Variants in CELSR2 observed in about 807,000 individuals in gnomAD.
CELSR2 encodes cadherin EGF LAG seven-pass G-type receptor 2.
CELSR2 carries 81 observed loss-of-function variants against 251.6 expected under a neutral mutation model. That is an observed-to-expected ratio of 0.32 (90% CI 0.27 to 0.39). The LOEUF (loss-of-function observed/expected upper bound fraction) is 0.39, where lower values mean the gene tolerates loss of function less well. CELSR2 is among the 10% of genes least tolerant of loss of function. The pLI is 1.00. For missense variants in CELSR2, 3,365 were observed against 3,947.7 expected (o/e 0.85, Z 3.96); for synonymous variants, 1,721 against 1,670.5 (o/e 1.03, Z -0.74).
Position 109,251,595 on chromosome 1 carries a change from G to T in CELSR2, c.1516G>T (p.Val506Phe). ...TATCAACGACAATGCCCCCATCTTC[G>T]TCAGCACCCCTTTCCAGGCTACTGT... ...LDINDNAPIF[V>F]STPFQATVLE... Residue 506 changes from valine to phenylalanine, a missense_variant, in exon 1 of 34, where the codon GTC becomes TTC. Physicochemically the swap from Val to Phe is conservative, Grantham distance 50. Transcript: ENST00000271332. The surrounding 1 kb of genome is among the most constrained non-coding windows in gnomAD (Gnocchi z 4.9). The T allele has an allele frequency of 2.5e-6, 4 of 1,613,782 alleles. No individual in the cohort carries two copies. The highest frequency in any genetic ancestry group is 3.4e-6 in the Non-Finnish European group (4 of 1,179,902).
Position 109,252,353 on chromosome 1 carries a change from C to A in CELSR2, c.2274C>A (p.Phe758Leu), listed in dbSNP as rs1390996848. The A allele has an allele frequency of 5.6e-6, 9 of 1,613,068 alleles. No individual in the cohort carries two copies. The highest frequency in any genetic ancestry group is 7.6e-6 in the Non-Finnish European group (9 of 1,180,002). Residue 758 changes from phenylalanine (F) to leucine (L), a missense_variant, in exon 1 of 34, where the codon TTC (phenylalanine) becomes TTA (leucine). Phe to Leu is a conservative substitution (Grantham distance 22). Transcript: ENST00000271332. The surrounding 1 kb of genome is among the most constrained non-coding windows in gnomAD (Gnocchi z 4.8). Reference protein sequence around the residue: ...TYFMEDSIPQFRIDADTGAVT... With the variant: ...TYFMEDSIPQLRIDADTGAVT... ...TCATGGAGGACAGCATCCCCCAGTTCCGCATCGATGCAGACACGGGGGCTG... is the reference window on the plus strand; with the variant it reads ...TCATGGAGGACAGCATCCCCCAGTTACGCATCGATGCAGACACGGGGGCTG...
rs866036255 is a variant in CELSR2, at chr1:109,260,171, G to A, written c.3959-871G>A. On this transcript the variant is annotated intron_variant, in intron 2 of 33. Transcript: ENST00000271332. The stretch of plus-strand genomic sequence containing the variant: ...AGAAGTCTTTGTCCAGGAGGATGGT[G>A]GGGGGGGTTGGGAGGGGGGGGGTTA... 9.7e-3 allele frequency among the ~76,000 whole-genome samples: 1,406 copies of A among 145,132 alleles called. 35 individuals carry two copies. Among genetic ancestry groups the A allele is most frequent in the African/African-American group, 0.034 (1,327 of 38,826 alleles).
intron 2 of CELSR2, among the ~76,000 whole-genome samples, chr1:109,260,473 C>T (rs1341323757): frequency 1.3e-5 from 2 of 152,164 alleles, no homozygotes; most frequent in Non-Finnish European, 2.9e-5. Flanking sequence ...CAGCTTCTCT[C>T]TCATACTCTT....
At position 109,274,248 on chromosome 1, in the gene CELSR2, C is replaced by T; in HGVS notation, c.*199C>T. Reference sequence around the variant, plus strand: ...AGGCCATCTAGTGCCAACTCCCCCCCCACCATTCCCCTCACTGCACTTTGG... The same window carrying T: ...AGGCCATCTAGTGCCAACTCCCCCCTCACCATTCCCCTCACTGCACTTTGG... On this transcript the variant is annotated 3_prime_UTR_variant, in exon 34 of 34. Coordinates refer to ENST00000271332, the MANE Select transcript of CELSR2 (RefSeq NM_001408.3). 4 of 1,337,280 alleles carry T rather than the reference C, an allele frequency of 3.0e-6. No individual in the cohort carries two copies. The highest frequency in any genetic ancestry group is 1.5e-5 in the South Asian group (1 of 66,456). 82.8% of individuals were successfully genotyped at this position (1,337,280 alleles called of 1,614,324 possible). A position where few individuals can be genotyped will look rare whatever the true frequency, so the allele number is the denominator to read the frequency against.
chr1:109,268,556 C>T (rs1656273258), intron 17 of CELSR2, 25 bp from the exon 18 acceptor site: 5 of 1,585,300 alleles, frequency 3.2e-6, no homozygotes, highest in Non-Finnish European at 4.3e-6. Flanking sequence ...TGTGAGCACA[C>T]CCACCGTGAC....
Position 109,264,458 on chromosome 1 carries a change from T to G in CELSR2, c.5294T>G (p.Val1765Gly). ...CACTGCTCCTGTCCCTCCCAGGGTG[T>G]GCGGGTGAGCGATACGCCGGAGGGG... is the stretch of plus-strand genomic sequence containing the variant. Reference protein sequence around the residue: ...ARGFRGCLQGVRVSDTPEGVN... With the variant: ...ARGFRGCLQGGRVSDTPEGVN... The change falls in exon 11 of 34, where the codon GTG becomes GGG. Residue 1765 changes from valine to glycine, a missense_variant. This residue lies in a region of CELSR2 where 2,093 missense variants were observed against 2,382.8 expected (regional missense o/e 0.88). Transcript: ENST00000271332. 1 of 1,611,378 alleles carries G rather than the reference T, an allele frequency of 6.2e-7. No individual in the cohort carries two copies. The highest frequency in any genetic ancestry group is 8.5e-7 in the Non-Finnish European group (1 of 1,178,438).
rs752552428 is a variant in CELSR2, at chr1:109,251,680, C to G, written c.1601C>G (p.Ala534Gly). The change falls in exon 1 of 34, where the codon GCT (alanine) becomes GGT (glycine). Residue 534 changes from alanine (A) to glycine (G), a missense_variant. By Grantham distance (60) the Ala-to-Gly change is moderately conservative. Coordinates refer to ENST00000271332, the MANE Select transcript of CELSR2 (RefSeq NM_001408.3). The surrounding 1 kb of genome is among the most constrained non-coding windows in gnomAD (Gnocchi z 4.9). ...VLHVQAIDAD[A>G]GDNARLEYRL... ...CATGTCCAGGCTATCGACGCTGATG[C>G]TGGTGACAATGCCCGCCTGGAATAC... 2.5e-6 allele frequency: 4 copies of G among 1,614,116 alleles called. No individual in the cohort carries two copies. The highest frequency in any genetic ancestry group is 3.4e-6 in the Non-Finnish European group (4 of 1,180,038).
At chr1:109,272,576 G>A in intron 29 of CELSR2, 64 bp from the exon 30 acceptor site, 1 of 1,522,948 alleles carries the variant, frequency 6.6e-7, no homozygotes, top group Non-Finnish European at 9.1e-7. Context: ...CCAGGGGAGA[G>A]GAGAGACTGG....
In CELSR2 at chr1:109,269,451, A is replaced by G; in HGVS notation, c.6840A>G (p.Thr2280=). ...LRVPKRPIIN[T]PVVSISVHDD... ...TCCCCAAACGCCCGATCATCAACACACCCGTGGTGAGCATCAGCGTCCATG... is the reference window on the plus strand; with the variant it reads ...TCCCCAAACGCCCGATCATCAACACGCCCGTGGTGAGCATCAGCGTCCATG... The change falls in exon 21 of 34, where the codon ACA becomes ACG. Residue 2280 remains threonine, a synonymous_variant. Transcript: ENST00000271332. The surrounding 1 kb of genome is among the most constrained non-coding windows in gnomAD (Gnocchi z 6.4). 7 of 1,613,850 alleles carry G rather than the reference A, an allele frequency of 4.3e-6. No individual in the cohort carries two copies. Among genetic ancestry groups the G allele is most frequent in the Non-Finnish European group, 5.9e-6 (7 of 1,179,968 alleles).
Position 109,274,204 on chromosome 1 carries a change from G to A in CELSR2, c.*155G>A. ...CTGAGGAGCCTGGGCCTTGCCGGGAGGGGTACTCACCCCACCTAAGGCCAT... is the reference window on the plus strand; with the variant it reads ...CTGAGGAGCCTGGGCCTTGCCGGGAAGGGTACTCACCCCACCTAAGGCCAT... On this transcript the variant is annotated 3_prime_UTR_variant, in exon 34 of 34. Coordinates refer to ENST00000271332, the MANE Select transcript of CELSR2 (RefSeq NM_001408.3). The A allele has an allele frequency of 6.4e-7, 1 of 1,554,762 alleles. No individual in the cohort carries two copies. The highest frequency in any genetic ancestry group is 8.7e-7 in the Non-Finnish European group (1 of 1,154,508).
Position 109,261,203 on chromosome 1 carries a change from G to A in CELSR2, c.4120G>A (p.Ala1374Thr), listed in dbSNP as rs1042059149. 9 of 1,613,944 alleles carry A rather than the reference G, an allele frequency of 5.6e-6. No homozygotes were observed. Among genetic ancestry groups the A allele is most frequent in the Admixed American group, 1.7e-5 (1 of 60,000 alleles). Residue 1374 changes from alanine to threonine, a missense_variant, in exon 3 of 34, where the codon GCC (alanine) becomes ACC (threonine). Physicochemically the swap from Ala to Thr is moderately conservative, Grantham distance 58. Transcript: ENST00000271332. This position sits in a 1 kb window ranked among gnomAD's most constrained non-coding sequence, Gnocchi z 4.8. ...CCAGGTGACCACGCGCAGCTTCCCC[G>A]CCCACTCCTTCATCACCTTTCGCGG... ...YCQVTTRSFP[A>T]HSFITFRGLR...
chr1:109,266,806 A>C (rs1570789062), intron 15 of CELSR2, among the ~76,000 whole-genome samples: 1 of 143,264 alleles, frequency 7.0e-6, no homozygotes, highest in Non-Finnish European at 1.5e-5. Context: ...TGCAACCTCC[A>C]CCTCACAGGT....
At chr1:109,255,267 TGCCCATGCGGA>T (rs931161495) in intron 1 of CELSR2, among the ~76,000 whole-genome samples, 8 of 152,248 alleles carry the variant, frequency 5.3e-5, no homozygotes, top group Non-Finnish European at 1.2e-4. Context: ...TTCCCGCCCC[TGCCCATGCGGA>T]GCCCTGCAGC....
chr1:109,253,480 G>A, intron 1 of CELSR2, 91 bp downstream of exon 1: 1 of 1,486,626 alleles, frequency 6.7e-7, no homozygotes, highest in East Asian at 2.4e-5. Context: ...CCAGGAAGCA[G>A]CTACAGATCC....
Position 109,271,387 on chromosome 1 carries a change from T to C in CELSR2, c.7678T>C (p.Ser2560Pro), listed in dbSNP as rs1204086624. 6.2e-7 allele frequency: 1 copy of C among 1,613,640 alleles called. No homozygotes were observed. The highest frequency in any genetic ancestry group is 8.5e-7 in the Non-Finnish European group (1 of 1,180,002). Reference protein sequence around the residue: ...RQGFEKKGPVSGLQPSFAVLL... With the variant: ...RQGFEKKGPVPGLQPSFAVLL... ...CTCATGGCCTGTCCCTATCCCCAGC[T>C]CGGGCCTGCAGCCCTCCTTCGCCGT... Residue 2560 changes from serine (S) to proline (P), a missense_variant and splice_region_variant, in exon 27 of 34, where the codon TCG becomes CCG. Ser to Pro is a moderately conservative substitution (Grantham distance 74). Transcript: ENST00000271332.
Position 109,253,227 on chromosome 1 carries a change from C to T in CELSR2, c.3148C>T (p.Pro1050Ser). 1.9e-6 allele frequency: 3 copies of T among 1,613,530 alleles called. No homozygotes were observed. The highest frequency in any genetic ancestry group is 2.5e-6 in the Non-Finnish European group (3 of 1,180,042). ...CCCTGGGGGTGCCATTGGCCGAGTA[C>T]CTGCCCATGACCCTGATATCTCAGA... ...SFPGGAIGRV[P>S]AHDPDISDSL... The change falls in exon 1 of 34, where the codon CCT becomes TCT. Residue 1050 changes from proline (P) to serine (S), a missense_variant. Around this residue, in one of 5 missense-constraint regions of CELSR2, gnomAD observed 505 missense variants for 660.0 expected, o/e 0.77. Coordinates refer to ENST00000271332, the MANE Select transcript of CELSR2 (RefSeq NM_001408.3).
Position 109,268,706 on chromosome 1 carries a change from G to A in CELSR2, c.6444G>A (p.Leu2148=). The A allele has an allele frequency of 6.2e-7, 1 of 1,613,326 alleles. No individual in the cohort carries two copies. The highest frequency in any genetic ancestry group is 1.3e-5 in the African/African-American group (1 of 75,050). Residue 2148 remains leucine (L), a synonymous_variant, in exon 18 of 34, where the codon CTG becomes CTA. Coordinates refer to ENST00000271332, the MANE Select transcript of CELSR2 (RefSeq NM_001408.3). ...ACTATGAGGCCTACGCCAGTGCCCT[G>A]GCCCAGAACATGCGGCACACCTACC... ...LQHYEAYASA[L]AQNMRHTYLS...
In CELSR2 at chr1:109,261,225, G is replaced by T. The variant is rs370985403; in HGVS notation, c.4142G>T (p.Arg1381Leu). The T allele has an allele frequency of 1.1e-5, 18 of 1,613,758 alleles. No individual in the cohort carries two copies. Among genetic ancestry groups the T allele is most frequent in the Non-Finnish European group, 1.7e-6 (2 of 1,180,030 alleles). ...CCCGCCCACTCCTTCATCACCTTTC[G>T]CGGCCTGCGCCAGCGTTTCCACTTC... ...SFPAHSFITF[R>L]GLRQRFHFTL... Residue 1381 changes from arginine to leucine, a missense_variant, in exon 3 of 34, where the codon CGC (arginine) becomes CTC (leucine). Physicochemically the swap from Arg to Leu is moderately radical, Grantham distance 102 (BLOSUM62 -2). This residue lies in a region of CELSR2 where 2,093 missense variants were observed against 2,382.8 expected (regional missense o/e 0.88). Coordinates refer to ENST00000271332, the MANE Select transcript of CELSR2 (RefSeq NM_001408.3). This position sits in a 1 kb window ranked among gnomAD's most constrained non-coding sequence, Gnocchi z 4.8.
chr1:109,266,050 G>T, intron 14 of CELSR2, 55 bp from the exon 15 acceptor site: 2 of 1,602,364 alleles, frequency 1.2e-6, no homozygotes, highest in Non-Finnish European at 1.7e-6. Flanking sequence ...GGGGAGCCTG[G>T]GCAGGACAGC....
Sources: gnomAD v4.1 joint callset for allele counts (sites outside exome capture counted in the v4.1 genomes callset) on GRCh38, gnomAD v4.1.1 for gene constraint, gnomAD v4.1.1 regional missense constraint, Gnocchi (gnomAD v3.1) non-coding constraint, MANE v1.5 for transcripts, NCBI Gene and HGNC (gene_info 2026-07-23, HGNC 2026-07-21) for gene names.